JAKMIP3: variants seen among roughly 807,000 people sequenced by gnomAD.
JAKMIP3 encodes the protein Janus kinase and microtubule interacting protein 3, also known as janus kinase and microtubule-interacting protein 3.
Under a neutral mutation model 118.5 loss-of-function variants are expected in JAKMIP3, and 58 were observed. The observed-to-expected ratio is 0.49, with a 90% CI of 0.40 to 0.61. The LOEUF (loss-of-function observed/expected upper bound fraction) is 0.61, where lower values mean the gene tolerates loss of function less well. JAKMIP3 is among the 20% of genes least tolerant of loss of function. The pLI is 0.00. For missense variants in JAKMIP3, 950 were observed against 1,109.0 expected, an observed-to-expected ratio of 0.86 and a Z score of 2.04; for synonymous variants, 486 against 451.2, an observed-to-expected ratio of 1.08 and a Z score of -0.98.
chr10:132,037,251 CT>C (rs892226549), intron 1 of JAKMIP3, among the ~76,000 whole-genome samples: 3 of 152,126 alleles, frequency 2.0e-5, no homozygotes, highest in Admixed American at 2.0e-4. Flanking sequence ...AGAAAATATT[CT>C]CTGCGTGTAC....
rs182650252 is a variant in JAKMIP3, at chr10:132,165,637, A to T, written c.2490+902A>T. ...GGCATGTGCTGGTCCCGGCCTGAGG[A>T]GGAGCCCACAGATGCTCTGCAATTG... On this transcript the variant is annotated intron_variant, in intron 21 of 23. Transcript: ENST00000684848. Among the ~76,000 whole-genome samples the T allele has an allele frequency of 7.4e-3, 1,121 of 152,276 alleles. 16 individuals are homozygous for T. Among genetic ancestry groups the T allele is most frequent in the South Asian group, 0.02 (98 of 4,820 alleles).
At chr10:132,071,853 C>CCTTTCTTTCCTTTCTTTCTTTCCTTT (rs143384897) in intron 1 of JAKMIP3, among the ~76,000 whole-genome samples, 26 of 115,014 alleles carry the variant, frequency 2.3e-4, no homozygotes, top group South Asian at 3.2e-4. Flanking sequence ...TTCTTTCTTT[C>CCTTTCTTTCCTTTCTTTCTTTCCTTT]CTTTCTTTCC....
intron 1 of JAKMIP3, among the ~76,000 whole-genome samples, chr10:132,054,039 C>CAA (rs5789112): frequency 1.2e-4 from 12 of 100,586 alleles, no homozygotes; most frequent in Admixed American, 2.2e-4. Flanking sequence ...GACTCTGTCT[C>CAA]AAAAAAAAAA....
chr10:132,057,079 G>A, intron 1 of JAKMIP3, among the ~76,000 whole-genome samples: 1 of 152,180 alleles, frequency 6.6e-6, no homozygotes, highest in East Asian at 1.9e-4. Context: ...ACAAGGACCT[G>A]TGTGTAGCAT....
rs1027481330 is a variant in JAKMIP3, at chr10:132,168,667, C to T, written c.*737C>T. ...ACCTGAGACAGGAAGGCCAAGATCC[C>T]GCCCAAGCCGCCAGCTGGGAGCACC... On this transcript the variant is annotated 3_prime_UTR_variant, in exon 23 of 24. Transcript: ENST00000684848. 38 of 322,894 alleles carry T rather than the reference C, an allele frequency of 1.2e-4. No homozygotes were observed. The highest frequency in any genetic ancestry group is 4.7e-4 in the Admixed American group (10 of 21,134). 20.0% of individuals were successfully genotyped at this position (322,894 alleles called of 1,614,324 possible). A position where few individuals can be genotyped will look rare whatever the true frequency, so the allele number is the denominator to read the frequency against.
In JAKMIP3 at chr10:132,164,694, A is replaced by G. The variant is rs1394214220; in HGVS notation, c.2449A>G (p.Ile817Val). The change falls in exon 21 of 24, where the codon ATA (isoleucine) becomes GTA (valine). Residue 817 changes from isoleucine (I) to valine (V), a missense_variant. Ile to Val is a conservative substitution (Grantham distance 29). Transcript: ENST00000684848. ...GAGAATTAAAGAGTTAGAAGAAAGA[A>G]TAGAAGCTCAGAAGAGACAAATAAA... ...QQRIKELEERIEAQKRQIKEL... is the reference protein window; with the variant it reads ...QQRIKELEERVEAQKRQIKEL... The G allele has an allele frequency of 1.3e-6, 2 of 1,598,854 alleles. No homozygotes were observed. Among genetic ancestry groups the G allele is most frequent in the East Asian group, 4.5e-5 (2 of 44,836 alleles).
At chr10:132,174,148 C>G (rs1049274862) in intron 23 of JAKMIP3, among the ~76,000 whole-genome samples, 1 of 151,970 alleles carries the variant, frequency 6.6e-6, no homozygotes, top group African/African-American at 2.4e-5. Flanking sequence ...GGTTGTGACC[C>G]ATGCACAGTG....
rs1250551208 is a variant in JAKMIP3 at position 132,145,576 on chromosome 10, A to C, written c.1745A>C (p.Glu582Ala). Residue 582 changes from glutamate to alanine, a missense_variant, in exon 13 of 24, where the codon GAA becomes GCA. Glu to Ala is a moderately radical substitution (Grantham distance 107, BLOSUM62 -1). Coordinates refer to ENST00000684848, the MANE Select transcript of JAKMIP3 (RefSeq NM_001323087.2). ...TACCGGAGAAATCAAGAGCTTGTGG[A>C]AAAGGTGAGCCCCGAACCCCTGGAG... is the stretch of plus-strand genomic sequence containing the variant. ...ALYRRNQELV[E>A]KIKQMETEEA... 6.4e-7 allele frequency: 1 copy of C among 1,561,900 alleles called. No individual in the cohort carries two copies. The highest frequency in any genetic ancestry group is 8.7e-7 in the Non-Finnish European group (1 of 1,153,040).
In JAKMIP3 at chr10:132,184,048, GA is replaced by G. The variant is rs1387404506; in HGVS notation, c.*2798del. 8.5e-5 allele frequency: 13 copies of G among 152,298 alleles called. No homozygotes were observed. Among genetic ancestry groups the G allele is most frequent in the Admixed American group, 8.5e-4 (13 of 15,302 alleles). 9.4% of individuals were successfully genotyped at this position (152,298 alleles called of 1,614,324 possible). A position where few individuals can be genotyped will look rare whatever the true frequency, so the allele number is the denominator to read the frequency against. ...GAGGAAGGACCCTGAAATGTTGCCAGAAATGTACTGTTACATCAACATTTAC... is the reference window on the plus strand; with the variant it reads ...GAGGAAGGACCCTGAAATGTTGCCAGAATGTACTGTTACATCAACATTTAC... On this transcript the variant is annotated 3_prime_UTR_variant, in exon 24 of 24. Transcript: ENST00000684848.
intron 3 of JAKMIP3, among the ~76,000 whole-genome samples, chr10:132,127,068 G>A (rs1051508093): frequency 1.2e-4 from 18 of 152,010 alleles, no homozygotes; most frequent in Non-Finnish European, 2.6e-4. Flanking sequence ...TGGGTCAGGA[G>A]TTTTGTGATA....
intron 19 of JAKMIP3, among the ~76,000 whole-genome samples, chr10:132,157,694 A>G (rs966251371): frequency 1.3e-5 from 2 of 152,188 alleles, no homozygotes; most frequent in African/African-American, 4.8e-5. Context: ...GTCTGTTTGT[A>G]ACCTTTCCCA....
At chr10:132,126,107 G>GT (rs1336192620) in intron 3 of JAKMIP3, among the ~76,000 whole-genome samples, 2 of 152,024 alleles carry the variant, frequency 1.3e-5, no homozygotes, top group Non-Finnish European at 2.9e-5. Flanking sequence ...CATACCTTTT[G>GT]TTTTCTCCTT....
At chr10:132,082,232 A>T (rs1433977246) in intron 1 of JAKMIP3, among the ~76,000 whole-genome samples, 1 of 150,220 alleles carries the variant, frequency 6.7e-6, no homozygotes, top group Non-Finnish European at 1.5e-5. Context: ...TTATTTTTTA[A>T]ATTTTTTATT....
Position 132,180,766 on chromosome 10 carries a change from T to C in JAKMIP3, c.*1104-1591T>C, listed in dbSNP as rs1459453775. Among the ~76,000 whole-genome samples the C allele has an allele frequency of 3.1e-3, 95 of 30,328 alleles. 15 individuals carry two copies. Among genetic ancestry groups the C allele is most frequent in the Admixed American group, 5.0e-3 (16 of 3,178 alleles). The allele number at this position is 30,328 out of a possible 152,430, so 19.9% of individuals were successfully genotyped here. A position where few individuals can be genotyped will look rare whatever the true frequency, so the allele number is the denominator to read the frequency against. ...GCGTGCGCGCGCGTGTGTGCGTGTG[T>C]GTGCGTGTGTGTGTGTGCGCGTATG... On this transcript the variant is annotated intron_variant, in intron 23 of 23. Transcript: ENST00000684848.
In JAKMIP3 at chr10:132,184,820, G is replaced by T. The variant is rs1315822707; in HGVS notation, c.*3567G>T. 6.6e-6 allele frequency: 1 copy of T among 152,220 alleles called. No homozygotes were observed. The highest frequency in any genetic ancestry group is 2.4e-5 in the African/African-American group (1 of 41,446). 9.4% of individuals were successfully genotyped at this position (152,220 alleles called of 1,614,324 possible). ...ATGTTTTAAATCTTAGACGATTAAA[G>T]TCCCCTCAAAGGTATTAAAGTTTGA... On this transcript the variant is annotated 3_prime_UTR_variant, in exon 24 of 24. Coordinates refer to ENST00000684848, the MANE Select transcript of JAKMIP3 (RefSeq NM_001323087.2).
At chr10:132,150,122 C>G (rs2055800063) in intron 16 of JAKMIP3, 81 bp downstream of exon 16, 4 of 1,154,132 alleles carry the variant, frequency 3.5e-6, no homozygotes, top group Non-Finnish European at 5.0e-6. Flanking sequence ...GGAGGCCCTG[C>G]CAGCCTCCCA....
Position 132,145,096 on chromosome 10 carries a change from C to T in JAKMIP3, c.1603-11C>T, listed in dbSNP as rs2054339805. On this transcript the variant is annotated splice_polypyrimidine_tract_variant and intron_variant, in intron 11 of 23. Transcript: ENST00000684848. ...GAGAAAATTTGATGTATCTTTCCTC[C>T]CGTCCTACAGACCCGTGAGCAGCTA... 2 of 1,609,982 alleles carry T rather than the reference C, an allele frequency of 1.2e-6. No individual in the cohort carries two copies. The highest frequency in any genetic ancestry group is 2.7e-5 in the African/African-American group (2 of 74,898).
Position 132,153,024 on chromosome 10 carries a change from G to A in JAKMIP3, c.2073+1G>A. The A allele has an allele frequency of 6.2e-7, 1 of 1,605,860 alleles. No homozygotes were observed. Among genetic ancestry groups the A allele is most frequent in the Non-Finnish European group, 8.5e-7 (1 of 1,176,312 alleles). On this transcript the variant is annotated splice_donor_variant, in intron 17 of 23. Transcript: ENST00000684848. LOFTEE classifies it high-confidence loss of function. Reference sequence around the variant, plus strand: ...GACAGTCCTGACCTTGGCCGAAAAGGTAACAGCAGCTGTGTGGACAGTCGG... The same window carrying A: ...GACAGTCCTGACCTTGGCCGAAAAGATAACAGCAGCTGTGTGGACAGTCGG...
intron 1 of JAKMIP3, among the ~76,000 whole-genome samples, chr10:132,093,392 C>A (rs1168739412): frequency 6.6e-6 from 1 of 151,668 alleles, no homozygotes; most frequent in Non-Finnish European, 1.5e-5. Flanking sequence ...GCAGGCAGGC[C>A]TTCTTCCTGG....
Sources: gnomAD v4.1 joint callset for allele counts (sites outside exome capture counted in the v4.1 genomes callset) on GRCh38, gnomAD v4.1.1 for gene constraint, MANE v1.5 for transcripts, NCBI Gene and HGNC (gene_info 2026-07-23, HGNC 2026-07-21) for gene names.